The following TNKS variants were observed in gnomAD, a reference collection of about 807,000 sequenced individuals.
The protein encoded by TNKS is poly [ADP-ribose] polymerase tankyrase-1.
TNKS carries 72 observed loss-of-function variants against 135.8 expected under a neutral mutation model. The observed-to-expected ratio is 0.53, with a 90% CI of 0.44 to 0.64. The LOEUF (loss-of-function observed/expected upper bound fraction) is 0.64, where lower values mean the gene tolerates loss of function less well. Among genes scored for constraint, TNKS ranks in the 30% least tolerant of loss-of-function variants. The probability of loss-of-function intolerance (pLI) is 0.00; values close to 1 mark genes in which losing one functional copy is unlikely to be tolerated. For missense variants in TNKS, 1,769 were observed against 1,674.0 expected, an observed-to-expected ratio of 1.06 and a Z score of -0.99; for synonymous variants, 849 against 649.3, an observed-to-expected ratio of 1.31 and a Z score of -4.68.
chr8:9,661,832 C>G (rs577697290), intron 3 of TNKS, among the ~76,000 whole-genome samples: 1 of 152,242 alleles, frequency 6.6e-6, no homozygotes, highest in East Asian at 1.9e-4. Flanking sequence ...TTGCAACCTA[C>G]TCATCTGACA....
intron 2 of TNKS, among the ~76,000 whole-genome samples, chr8:9,594,320 T>A (rs189550582): frequency 6.6e-6 from 1 of 152,242 alleles, no homozygotes; most frequent in African/African-American, 2.4e-5. Flanking sequence ...TCTCACACCT[T>A]GTTTTTTGTC....
intron 3 of TNKS, among the ~76,000 whole-genome samples, chr8:9,672,706 AC>A (rs1319362238): frequency 2.3e-4 from 29 of 124,922 alleles, no homozygotes; most frequent in Non-Finnish European, 3.0e-4. Context: ...ACACACACAC[AC>A]ACACAAAAAA....
intron 26 of TNKS, among the ~76,000 whole-genome samples, chr8:9,770,793 T>C (rs1010644939): frequency 6.6e-6 from 1 of 152,152 alleles, no homozygotes. Flanking sequence ...GGGAATGCTG[T>C]TGGGGGAAGA....
chr8:9,710,229 C>G lies in TNKS; in HGVS notation c.1749+9C>G. 1 of 1,613,980 alleles carries G rather than the reference C, an allele frequency of 6.2e-7. No individual in the cohort carries two copies. Among genetic ancestry groups the G allele is most frequent in the Non-Finnish European group, 8.5e-7 (1 of 1,179,870 alleles). On this transcript the variant is annotated intron_variant, in intron 11 of 26. Transcript: ENST00000310430. ...ATAAGCATGGCGCCAAGGTGAGGCA[C>G]ACACCTGAGCAGAGTGCCAGACTCA...
chr8:9,664,192 G>A (rs545475040), intron 3 of TNKS, among the ~76,000 whole-genome samples: 1 of 152,202 alleles, frequency 6.6e-6, no homozygotes, highest in African/African-American at 2.4e-5. Context: ...CATGGTGCCA[G>A]CATCTATGTC....
intron 3 of TNKS, among the ~76,000 whole-genome samples, chr8:9,636,493 G>T (rs771857781): frequency 2.0e-5 from 3 of 151,172 alleles, no homozygotes; most frequent in Non-Finnish European, 4.4e-5. Context: ...CTTTTCTATT[G>T]ATTATTGTTT....
intron 2 of TNKS, among the ~76,000 whole-genome samples, chr8:9,596,305 T>C (rs1798785195): frequency 6.6e-6 from 1 of 152,160 alleles, no homozygotes; most frequent in South Asian, 2.1e-4. Flanking sequence ...TGGCTTCCCT[T>C]TGTACAGTTT....
At chr8:9,739,086 G>A (rs2128820897) in intron 17 of TNKS, among the ~76,000 whole-genome samples, 1 of 147,258 alleles carries the variant, frequency 6.8e-6, no homozygotes, top group African/African-American at 2.5e-5. Context: ...CTTCTGCACA[G>A]CAAAAGAAAC....
At chr8:9,760,303 C>T (rs1194696607) in intron 20 of TNKS, among the ~76,000 whole-genome samples, 1 of 152,010 alleles carries the variant, frequency 6.6e-6, no homozygotes, top group Non-Finnish European at 1.5e-5. Context: ...CCGCTTTGTG[C>T]AATGAAGCAA....
intron 5 of TNKS, 112 bp downstream of exon 5, chr8:9,680,912 C>CA: frequency 1.4e-6 from 1 of 697,452 alleles, no homozygotes; most frequent in South Asian, 2.1e-5. Flanking sequence ...TAACTGGCAT[C>CA]TTTTCACTGT....
At chr8:9,658,958 T>C (rs1585290431) in intron 3 of TNKS, among the ~76,000 whole-genome samples, 1 of 152,158 alleles carries the variant, frequency 6.6e-6, no homozygotes, top group African/African-American at 2.4e-5. Flanking sequence ...AAACAGACTT[T>C]AAACCAACCA....
chr8:9,605,436 TCATTCA>T (rs1799179793), intron 2 of TNKS, among the ~76,000 whole-genome samples: 2 of 152,110 alleles, frequency 1.3e-5, no homozygotes, highest in African/African-American at 4.8e-5. Flanking sequence ...AAACATATGA[TCATTCA>T]CATGCAAGTC....
At chr8:9,654,838 A>G (rs955558075) in intron 3 of TNKS, among the ~76,000 whole-genome samples, 2 of 152,182 alleles carry the variant, frequency 1.3e-5, no homozygotes, top group Non-Finnish European at 2.9e-5. Context: ...AAGACGGGCG[A>G]TTTCTGCATT....
At chr8:9,658,765 C>T (rs1399120658) in intron 3 of TNKS, among the ~76,000 whole-genome samples, 2 of 152,160 alleles carry the variant, frequency 1.3e-5, no homozygotes, top group Non-Finnish European at 2.9e-5. Flanking sequence ...GGGCTAAATG[C>T]TCCAATTAAA....
Position 9,615,581 on chromosome 8 carries a change from G to A in TNKS, c.899-1G>A. ...ATACTGTTTCTGCTTTCCCTGCACAGTGCTGCTGCAGCACGGAGCTGACCC... is the reference window on the plus strand; with the variant it reads ...ATACTGTTTCTGCTTTCCCTGCACAATGCTGCTGCAGCACGGAGCTGACCC... On this transcript the variant is annotated splice_acceptor_variant, in intron 2 of 26. Transcript: ENST00000310430. LOFTEE classifies it high-confidence loss of function. 6.2e-7 allele frequency: 1 copy of A among 1,612,748 alleles called. No homozygotes were observed. Among genetic ancestry groups the A allele is most frequent in the Non-Finnish European group, 8.5e-7 (1 of 1,179,394 alleles).
rs559856359 is a variant in TNKS, at chr8:9,685,360, A to G, written c.1107+4560A>G. Among the ~76,000 whole-genome samples the G allele has an allele frequency of 2.0e-5, 3 of 152,284 alleles. No homozygotes were observed. The East Asian group carries it at 5.8e-4, about 29-fold the overall frequency. On this transcript the variant is annotated intron_variant, in intron 5 of 26. Transcript: ENST00000310430. Reference sequence around the variant, plus strand: ...TACTCACTCTCAAATGGAAATAACCATACCCTTTCCACAAGGCATTTGAGA... The same window carrying G: ...TACTCACTCTCAAATGGAAATAACCGTACCCTTTCCACAAGGCATTTGAGA...
intron 2 of TNKS, among the ~76,000 whole-genome samples, chr8:9,588,300 A>G (rs1313137344): frequency 6.6e-6 from 1 of 151,454 alleles, no homozygotes; most frequent in Non-Finnish European, 1.5e-5. Context: ...TTTTTGAGAC[A>G]GTCTTGCTCT....
chr8:9,590,765 C>G (rs757425861), intron 2 of TNKS, among the ~76,000 whole-genome samples: 3 of 152,238 alleles, frequency 2.0e-5, no homozygotes, highest in Non-Finnish European at 4.4e-5. Context: ...AATTGGCTGT[C>G]TTTTCATTAT....
chr8:9,608,347 G>T (rs1409157948), intron 2 of TNKS, among the ~76,000 whole-genome samples: 3 of 152,036 alleles, frequency 2.0e-5, no homozygotes, highest in African/African-American at 4.8e-5. Flanking sequence ...TTTTGACTTT[G>T]TAGATCCTGG....
Sources: gnomAD v4.1 joint callset for allele counts (sites outside exome capture counted in the v4.1 genomes callset) on GRCh38, gnomAD v4.1.1 for gene constraint, MANE v1.5 for transcripts, NCBI Gene and HGNC (gene_info 2026-07-23, HGNC 2026-07-21) for gene names.